Variants in RNF213 observed in about 807,000 individuals in gnomAD.
RNF213 encodes E3 ubiquitin-protein ligase RNF213.
Under a neutral mutation model 514.4 loss-of-function variants are expected in RNF213, and 341 were observed. That is an observed-to-expected ratio of 0.66 (90% confidence interval 0.61 to 0.73). The LOEUF (loss-of-function observed/expected upper bound fraction) is 0.73, where lower values mean the gene tolerates loss of function less well. Among genes scored for constraint, RNF213 ranks in the 30% least tolerant of loss-of-function variants. The pLI is 0.00. For missense variants in RNF213, 5,767 were observed against 6,615.6 expected, an observed-to-expected ratio of 0.87 and a Z score of 4.45; for synonymous variants, 2,655 against 2,658.2, an observed-to-expected ratio of 1.00 and a Z score of 0.04.
chr17:80,278,889 G>T (rs1301501942), intron 3 of RNF213: 3 of 1,537,182 alleles, frequency 2.0e-6, no homozygotes, highest in South Asian at 1.2e-5. Flanking sequence ...CCGCCAGCGT[G>T]CCTTCTGCAG....
Position 80,267,977 on chromosome 17 carries a change from T to A in RNF213, c.97+4199T>A, listed in dbSNP as rs142259702. Among the ~76,000 whole-genome samples the A allele has an allele frequency of 2.0e-3, 306 of 151,936 alleles. 2 individuals carry two copies. The highest frequency in any genetic ancestry group is 6.8e-3 in the Middle Eastern group (2 of 294). On this transcript the variant is annotated intron_variant, in intron 2 of 67. Coordinates refer to ENST00000582970, the MANE Select transcript of RNF213 (RefSeq NM_001256071.3). ...TGGGATTACAGGTGTGTGCCACCAC[T>A]TCCGGCTAATATTGTATTTTTTATT...
At position 80,337,991 on chromosome 17, in the gene RNF213, T is replaced by G; in HGVS notation, c.4827T>G (p.Phe1609Leu). The change falls in exon 25 of 68, where the codon TTT becomes TTG. Residue 1609 changes from phenylalanine to leucine, a missense_variant. Transcript: ENST00000582970. ...GTAACAACACGGAAGTGGAGAGGTT[T>G]TCAGAGGTGAGGGCGCATCTTTGCA... is the stretch of plus-strand genomic sequence containing the variant. The part of the protein sequence containing the change: ...KDRNNTEVER[F>L]SEVFCSVQRL... 1 of 1,537,262 alleles carries G rather than the reference T, an allele frequency of 6.5e-7. No individual in the cohort carries two copies. Among genetic ancestry groups the G allele is most frequent in the Non-Finnish European group, 8.7e-7 (1 of 1,146,904 alleles).
chr17:80,371,254 G>C (rs2079507084), intron 46 of RNF213, among the ~76,000 whole-genome samples: 1 of 152,230 alleles, frequency 6.6e-6, no homozygotes, highest in Non-Finnish European at 1.5e-5. Context: ...ATTTATCACT[G>C]TGGGCACAGC....
chr17:80,379,734 A>G lies in RNF213; in HGVS notation c.13640+20A>G, dbSNP rs2079909260. The stretch of plus-strand genomic sequence containing the variant: ...GGTCAAGTATGTGGGTCAGGATTCT[A>G]TTTCCTAAGTACTCAAACTTTGGGG... On this transcript the variant is annotated intron_variant, in intron 55 of 67. Coordinates refer to ENST00000582970, the MANE Select transcript of RNF213 (RefSeq NM_001256071.3). 5.0e-6 allele frequency: 8 copies of G among 1,606,476 alleles called. No individual in the cohort carries two copies. In the South Asian group the frequency reaches 7.7e-5, roughly 15 times the overall value.
At chr17:80,388,824 G>A in intron 64 of RNF213, 135 bp downstream of exon 64, 1 of 764,696 alleles carries the variant, frequency 1.3e-6, no homozygotes, top group Non-Finnish European at 2.3e-6. Context: ...CCCTTACAGA[G>A]AGCAAGCAAG....
chr17:80,328,819 C>T (rs982762887), intron 20 of RNF213, among the ~76,000 whole-genome samples: 1 of 152,162 alleles, frequency 6.6e-6, no homozygotes, highest in African/African-American at 2.4e-5. Context: ...TTCCTGTTTT[C>T]TCATAACGGA....
chr17:80,321,056 C>G (rs2046123082), intron 17 of RNF213: 2 of 152,190 alleles, frequency 1.3e-5, no homozygotes, highest in Admixed American at 6.5e-5. Flanking sequence ...ATTCCTTACC[C>G]AAAATGCTTG....
At position 80,347,309 on chromosome 17, in the gene RNF213, G is replaced by A; in HGVS notation, c.8974G>A (p.Asp2992Asn). The change falls in exon 29 of 68, where the codon GAC (aspartate) becomes AAC (asparagine). Residue 2992 changes from aspartate (D) to asparagine (N), a missense_variant. By Grantham distance (23) the Asp-to-Asn change is conservative (BLOSUM62 1). This residue lies in a region of RNF213 where 919 missense variants were observed against 1,121.0 expected (regional missense o/e 0.82). Transcript: ENST00000582970. The surrounding 1 kb of genome is among the most constrained non-coding windows in gnomAD (Gnocchi z 7.2). ...AVLRNFSGKD[D>N]IQALDIFLAN... ...CCTTAGGAACTTCAGTGGCAAGGAT[G>A]ACATCCAAGCTTTGGACATCTTTCT... 1 of 1,614,026 alleles carries A rather than the reference G, an allele frequency of 6.2e-7. No individual in the cohort carries two copies. The highest frequency in any genetic ancestry group is 8.5e-7 in the Non-Finnish European group (1 of 1,180,014).
At chr17:80,268,852 A>G (rs1826611148) in intron 2 of RNF213, among the ~76,000 whole-genome samples, 1 of 152,196 alleles carries the variant, frequency 6.6e-6, no homozygotes, top group African/African-American at 2.4e-5. Context: ...CACAAGGTGA[A>G]GTCCCATGGT....
At chr17:80,379,042 GGTGCATGC>G (rs111829552) in intron 54 of RNF213, among the ~76,000 whole-genome samples, 2,322 of 152,018 alleles carry the variant, frequency 0.015, 30 homozygotes, top group African/African-American at 0.04. Flanking sequence ...AGGGCATGGT[GGTGCATGC>G]GTGCATGCGT....
In RNF213 at chr17:80,317,082, C is replaced by A; in HGVS notation, c.2812-106C>A. On this transcript the variant is annotated intron_variant, in intron 15 of 67. Coordinates refer to ENST00000582970, the MANE Select transcript of RNF213 (RefSeq NM_001256071.3). This position sits in a 1 kb window ranked among gnomAD's most constrained non-coding sequence, Gnocchi z 4.1. The stretch of plus-strand genomic sequence containing the variant: ...GGGAGAGCCCTGGTGTTCGCGGAGT[C>A]CCGCGCTCTCTGTATTGCCGTAATG... 8.1e-7 allele frequency: 1 copy of A among 1,231,190 alleles called. No individual in the cohort carries two copies. Among genetic ancestry groups the A allele is most frequent in the Non-Finnish European group, 1.2e-6 (1 of 853,398 alleles). The allele number at this position is 1,231,190 out of a possible 1,614,324, so 76.3% of individuals were successfully genotyped here.
chr17:80,371,918 TAAAA>T lies in RNF213; in HGVS notation c.12473_12476del (p.Lys4158ArgfsTer5), dbSNP rs1568149110. 1 of 1,590,866 alleles carries T rather than the reference TAAAA, an allele frequency of 6.3e-7. No individual in the cohort carries two copies. The highest frequency in any genetic ancestry group is 1.7e-5 in the Admixed American group (1 of 59,962). ...TATATTCAGGAATATTTGACCCTGTTAAAAAAGAAAGCATTCATAACTGAAGATA... is the reference window on the plus strand; with the variant it reads ...TATATTCAGGAATATTTGACCCTGTTAAGAAAGCATTCATAACTGAAGATA... On this transcript the variant is annotated frameshift_variant, in exon 47 of 68. Coordinates refer to ENST00000582970, the MANE Select transcript of RNF213 (RefSeq NM_001256071.3). LOFTEE classifies it high-confidence loss of function.
In RNF213 at chr17:80,377,098, T is replaced by G. The variant is rs2079791614; in HGVS notation, c.13510+135T>G. 13 of 703,238 alleles carry G rather than the reference T, an allele frequency of 1.8e-5. No individual in the cohort carries two copies. Among genetic ancestry groups the G allele is most frequent in the South Asian group, 1.8e-4 (12 of 66,220 alleles). The allele number at this position is 703,238 out of a possible 1,614,324, so 43.6% of individuals were successfully genotyped here. On this transcript the variant is annotated intron_variant, in intron 53 of 67. Coordinates refer to ENST00000582970, the MANE Select transcript of RNF213 (RefSeq NM_001256071.3). The surrounding 1 kb of genome is among the most constrained non-coding windows in gnomAD (Gnocchi z 4.1). ...TCCAAAACCACCTGCATTCTACCGGTGGCGTCTGCAGAAGACGAATGGCTT... is the reference window on the plus strand; with the variant it reads ...TCCAAAACCACCTGCATTCTACCGGGGGCGTCTGCAGAAGACGAATGGCTT...
intron 21 of RNF213, among the ~76,000 whole-genome samples, chr17:80,332,964 C>T (rs2046456588): frequency 6.6e-6 from 1 of 152,088 alleles, no homozygotes; most frequent in Admixed American, 6.6e-5. Context: ...AAAAGCAAAA[C>T]ACTTTGTCGG....
rs774827247 is a variant in RNF213, at chr17:80,344,684, C to T, written c.6349C>T (p.Arg2117Cys). 4.3e-5 allele frequency: 69 copies of T among 1,613,994 alleles called. No individual in the cohort carries two copies. The highest frequency in any genetic ancestry group is 1.6e-4 in the Middle Eastern group (1 of 6,084). The change falls in exon 29 of 68, where the codon CGT (arginine) becomes TGT (cysteine). Residue 2117 changes from arginine (R) to cysteine (C), a missense_variant. Physicochemically the swap from Arg to Cys is radical, Grantham distance 180. Coordinates refer to ENST00000582970, the MANE Select transcript of RNF213 (RefSeq NM_001256071.3). Reference sequence around the variant, plus strand: ...TAATGTCTCTCCTTTCCAGCGTACACGTGTACCCCAGTTCAGTTTTCTTGA... The same window carrying T: ...TAATGTCTCTCCTTTCCAGCGTACATGTGTACCCCAGTTCAGTTTTCTTGA... ...PSRSSSALRTRVPQFSFLDIF... is the reference protein window; with the variant it reads ...PSRSSSALRTCVPQFSFLDIF...
intron 16 of RNF213, among the ~76,000 whole-genome samples, chr17:80,318,677 C>T (rs2046029302): frequency 6.6e-6 from 1 of 152,112 alleles, no homozygotes; most frequent in African/African-American, 2.4e-5. Flanking sequence ...GGGTTCACGC[C>T]ATTCTCCTGC....
rs763544047 is a variant in RNF213, at chr17:80,374,490, T to C, written c.12975T>C (p.Asp4325=). 3 of 1,614,186 alleles carry C rather than the reference T, an allele frequency of 1.9e-6. No homozygotes were observed. The highest frequency in any genetic ancestry group is 1.7e-6 in the Non-Finnish European group (2 of 1,180,026). The change falls in exon 50 of 68, where the codon GAT becomes GAC. Residue 4325 remains aspartate (D), a synonymous_variant. Transcript: ENST00000582970. ...GLRQDHPGQM[D]RYLVYGDEYK... ...GGCAGGACCACCCAGGCCAGATGGA[T>C]AGGTACCTGGTGTACGGCGATGAAT...
At position 80,337,684 on chromosome 17, in the gene RNF213, A is replaced by C; in HGVS notation, c.4626A>C (p.Gln1542His). The change falls in exon 24 of 68, where the codon CAA (glutamine) becomes CAC (histidine). Residue 1542 changes from glutamine (Q) to histidine (H), a missense_variant. By Grantham distance (24) the Gln-to-His change is conservative (BLOSUM62 0). This residue lies in a region of RNF213 where 1,377 missense variants were observed against 1,635.2 expected (regional missense o/e 0.84). Coordinates refer to ENST00000582970, the MANE Select transcript of RNF213 (RefSeq NM_001256071.3). ...TGACCCTGGCCACGGCCATCAACCA[A>C]AGAGGCATCTATGTGATCCAGGCGC... Reference protein sequence around the residue: ...SSLTLATAINQRGIYVIQAPK... With the variant: ...SSLTLATAINHRGIYVIQAPK... The C allele has an allele frequency of 6.5e-7, 1 of 1,537,262 alleles. No individual in the cohort carries two copies. Among genetic ancestry groups the C allele is most frequent in the East Asian group, 2.4e-5 (1 of 40,910 alleles).
rs773352659 is a variant in RNF213 at position 80,383,685 on chromosome 17, TAA to T, written c.14082_14083del (p.Lys4694AsnfsTer7). 21 of 1,613,928 alleles carry T rather than the reference TAA, an allele frequency of 1.3e-5. No homozygotes were observed. The highest frequency in any genetic ancestry group is 1.8e-5 in the Non-Finnish European group (21 of 1,180,002). On this transcript the variant is annotated frameshift_variant, in exon 59 of 68. Transcript: ENST00000582970. LOFTEE classifies it high-confidence loss of function. ...TCATTTTCTCCATCCAGCATCTAGA[TAA>T]AACCCTTCCCACCATGAATAATCTC... ...VISPELEHLD[K>X]TLPTMNNLIS...
Sources: allele counts gnomAD v4.1 joint callset (sites outside exome capture counted in the v4.1 genomes callset), GRCh38; gene constraint gnomAD v4.1.1; regional missense constraint gnomAD v4.1.1; non-coding constraint Gnocchi (gnomAD v3.1); transcripts MANE v1.5; gene names NCBI Gene and HGNC (gene_info 2026-07-23, HGNC 2026-07-21).